DYNC2I1: variants seen among roughly 807,000 people sequenced by gnomAD.
DYNC2I1 encodes the protein dynein 2 intermediate chain 1.
DYNC2I1 carries 89 observed loss-of-function variants against 133.4 expected under a neutral mutation model. The observed-to-expected ratio is 0.67, with a 90% CI of 0.56 to 0.80. The LOEUF (loss-of-function observed/expected upper bound fraction) is 0.80, where lower values mean the gene tolerates loss of function less well. DYNC2I1 is among the 30% of genes least tolerant of loss of function. The pLI is 0.00. For synonymous variants in DYNC2I1, 504 were observed against 484.3 expected (o/e 1.04, Z -0.54); for missense variants, 1,291 against 1,314.5 (o/e 0.98, Z 0.28).
At chr7:158,882,275 C>A (rs1016882347) in intron 5 of DYNC2I1, among the ~76,000 whole-genome samples, 1 of 151,956 alleles carries the variant, frequency 6.6e-6, no homozygotes, top group African/African-American at 2.4e-5. Context: ...GGATAAAGAA[C>A]TACCAAAAAA....
intron 1 of DYNC2I1, 22 bp from the exon 2 acceptor site, chr7:158,869,833 A>C: frequency 6.3e-7 from 1 of 1,598,178 alleles, no homozygotes; most frequent in African/African-American, 1.3e-5. Context: ...TAAACATTCT[A>C]ACTTTATACT....
chr7:158,871,542 C>G lies in DYNC2I1; in HGVS notation c.470C>G (p.Ala157Gly). 6.5e-7 allele frequency: 1 copy of G among 1,540,096 alleles called. No homozygotes were observed. Among genetic ancestry groups the G allele is most frequent in the Non-Finnish European group, 8.7e-7 (1 of 1,146,042 alleles). ...ETRDRQLLER[A>G]ERKGRSVSKV... is the part of the protein sequence containing the mutation. ...CGCGACCGGCAGCTCCTGGAGCGGG[C>G]GGAGAGGAAAGGCCGCTCAGGTGGG... Residue 157 changes from alanine (A) to glycine (G), a missense_variant, in exon 3 of 25, where the codon GCG becomes GGG. Ala to Gly is a moderately conservative substitution (Grantham distance 60, BLOSUM62 0). Transcript: ENST00000407559.
In DYNC2I1 at chr7:158,945,565, GC is replaced by G; in HGVS notation, c.3003-12del. ...TTGTGTGCACTGACCCTCTGCTTCT[GC>G]CCCTCTCCCTGCAGGCTGGTGGCCA... On this transcript the variant is annotated splice_polypyrimidine_tract_variant and intron_variant, in intron 24 of 24. Transcript: ENST00000407559. The surrounding 1 kb of genome is among the most constrained non-coding windows in gnomAD (Gnocchi z 4.1). The G allele has an allele frequency of 6.3e-7, 1 of 1,592,724 alleles. No individual in the cohort carries two copies.
Position 158,914,339 on chromosome 7 carries a change from A to ATG in DYNC2I1, c.1791+20_1791+21dup, listed in dbSNP as rs1359229590. On this transcript the variant is annotated intron_variant, in intron 14 of 24. Transcript: ENST00000407559. The stretch of plus-strand genomic sequence containing the variant: ...CTTGTCAGGTATACTCAACCTATAT[A>ATG]TGTTGTGTTCTCTGTGTAAGTGCTT... 3 of 1,597,412 alleles carry ATG rather than the reference A, an allele frequency of 1.9e-6. No homozygotes were observed. The African/African-American group carries it at 4.0e-5, about 21-fold the overall frequency.
intron 4 of DYNC2I1, among the ~76,000 whole-genome samples, chr7:158,953,456 T>G (rs889644876): frequency 2.0e-5 from 3 of 152,284 alleles, no homozygotes; most frequent in African/African-American, 7.2e-5. Context: ...AGTACAAGGT[T>G]CCTGCTCACA....
intron 14 of DYNC2I1, among the ~76,000 whole-genome samples, chr7:158,918,165 C>G (rs1315713198): frequency 6.6e-6 from 1 of 152,180 alleles, no homozygotes; most frequent in Non-Finnish European, 1.5e-5. Flanking sequence ...CCTCCATTCT[C>G]ACTACGCAGC....
intron 1 of DYNC2I1, 46 bp from the exon 2 acceptor site, chr7:158,869,809 A>C (rs761660678): frequency 1.1e-5 from 16 of 1,512,216 alleles, no homozygotes; most frequent in Middle Eastern, 1.9e-4. Flanking sequence ...TACAACACTG[A>C]AAATAAATTA....
chr7:158,898,498 A>T (rs1281685723), intron 8 of DYNC2I1, among the ~76,000 whole-genome samples: 3 of 152,188 alleles, frequency 2.0e-5, no homozygotes, highest in Admixed American at 1.3e-4. Context: ...TTCTTTATTC[A>T]TGTTGACTCT....
chr7:158,856,199 G>C (rs560370646), upstream of DYNC2I1, among the ~76,000 whole-genome samples: 3 of 151,772 alleles, frequency 2.0e-5, no homozygotes, highest in Admixed American at 2.0e-4. Context: ...ACCCGCCTCC[G>C]CCTCCCAAAG....
At chr7:158,907,781 AT>A (rs998116658) in intron 11 of DYNC2I1, among the ~76,000 whole-genome samples, 1 of 147,214 alleles carries the variant, frequency 6.8e-6, no homozygotes, top group East Asian at 2.0e-4. Flanking sequence ...GCTAATTTTT[AT>A]TTTTTTTTTA....
In DYNC2I1 at chr7:158,886,639, T is replaced by A. The variant is rs562414111; in HGVS notation, c.936-382T>A. Among the ~76,000 whole-genome samples the A allele has an allele frequency of 5.3e-5, 8 of 152,236 alleles. No individual in the cohort carries two copies. The South Asian group carries it at 1.4e-3, about 28-fold the overall frequency. On this transcript the variant is annotated intron_variant, in intron 6 of 24. Transcript: ENST00000407559. ...TATTTTTTGAGAAAGGGTCTTTCTC[T>A]GTCGCCCAGGCTGTAGTGCAGTGGC...
downstream of DYNC2I1, among the ~76,000 whole-genome samples, chr7:158,947,771 T>C (rs1164255385): frequency 1.3e-5 from 2 of 152,198 alleles, no homozygotes; most frequent in African/African-American, 4.8e-5. Context: ...AGGTGCAGCC[T>C]CACGGAGGCC....
chr7:158,882,581 T>C (rs966797412), intron 5 of DYNC2I1, among the ~76,000 whole-genome samples: 2 of 151,802 alleles, frequency 1.3e-5, no homozygotes, highest in African/African-American at 4.8e-5. Context: ...AGACCTTGTC[T>C]TAAAAAAGAG....
At chr7:158,922,039 G>A (rs1849151590) in intron 15 of DYNC2I1, among the ~76,000 whole-genome samples, 1 of 152,170 alleles carries the variant, frequency 6.6e-6, no homozygotes, top group Non-Finnish European at 1.5e-5. Context: ...TAAAGCAGAG[G>A]GGCAGCCAGG....
At chr7:158,875,777 C>T (rs748927388) in intron 3 of DYNC2I1, among the ~76,000 whole-genome samples, 3 of 152,168 alleles carry the variant, frequency 2.0e-5, no homozygotes, top group Non-Finnish European at 2.9e-5. Context: ...TCTGGGTCCT[C>T]AGTGCATCCA....
chr7:158,928,885 T>G (rs1361423302), intron 20 of DYNC2I1, among the ~76,000 whole-genome samples: 2 of 152,190 alleles, frequency 1.3e-5, no homozygotes, highest in Admixed American at 6.5e-5. Flanking sequence ...CGTTAACTTG[T>G]TACATGATCA....
rs1845643904 is a variant in DYNC2I1 at position 158,895,125 on chromosome 7, T to C, written c.1059+3792T>C. 1.3e-5 allele frequency among the ~76,000 whole-genome samples: 2 copies of C among 152,252 alleles called. 1 individual carries two copies. Among genetic ancestry groups the C allele is most frequent in the South Asian group, 4.1e-4 (2 of 4,832 alleles). ...CTTGTCTTCCTGTTGACATTGTCTC[T>C]TACAGAACAGAAGTTTTTAATTTTT... On this transcript the variant is annotated intron_variant, in intron 8 of 24. Transcript: ENST00000407559.
intron 5 of DYNC2I1, among the ~76,000 whole-genome samples, chr7:158,880,570 A>C (rs571256207): frequency 6.6e-6 from 1 of 152,062 alleles, no homozygotes; most frequent in Admixed American, 6.5e-5. Context: ...TCAAAAAAAA[A>C]TTTTTTTTGA....
chr7:158,931,993 G>A (rs1850264419), intron 21 of DYNC2I1, among the ~76,000 whole-genome samples: 1 of 152,196 alleles, frequency 6.6e-6, no homozygotes. Context: ...GGGGCCGAGA[G>A]GAGGAGCTGA....
Sources: gnomAD v4.1 joint callset for allele counts (sites outside exome capture counted in the v4.1 genomes callset) on GRCh38, gnomAD v4.1.1 for gene constraint, Gnocchi (gnomAD v3.1) non-coding constraint, MANE v1.5 for transcripts, NCBI Gene and HGNC (gene_info 2026-07-23, HGNC 2026-07-21) for gene names.